The following C8orf34 variants were observed in gnomAD, a reference collection of about 807,000 sequenced individuals.
The protein encoded by C8orf34 is uncharacterized protein C8orf34.
Under a neutral mutation model 68.3 loss-of-function variants are expected in C8orf34, and 65 were observed. The observed-to-expected ratio is 0.95, with a 90% CI of 0.78 to 1.17. The LOEUF is 1.17. C8orf34 is among the 50% of genes most tolerant of loss of function. The pLI is 0.00. For synonymous variants in C8orf34, 244 were observed against 241.2 expected (o/e 1.01, Z -0.11); for missense variants, 664 against 655.4 (o/e 1.01, Z -0.14).
intron 10 of C8orf34, among the ~76,000 whole-genome samples, chr8:68,766,905 T>G (rs1823193864): frequency 6.6e-6 from 1 of 152,196 alleles, no homozygotes. Context: ...ATTTTGAGGC[T>G]GGGCACAGTG....
intron 8 of C8orf34, among the ~76,000 whole-genome samples, chr8:68,665,897 C>T (rs547275847): frequency 3.0e-4 from 46 of 152,230 alleles, no homozygotes; most frequent in Non-Finnish European, 5.7e-4. Flanking sequence ...GGGATCTTGT[C>T]TGTTTTGTTC....
At chr8:68,560,144 GT>G (rs56070682) in intron 7 of C8orf34, among the ~76,000 whole-genome samples, 2,161 of 143,926 alleles carry the variant, frequency 0.015, 49 homozygotes, top group African/African-American at 0.046. Flanking sequence ...TGATTCTGGT[GT>G]TTTTTTTTTT....
chr8:68,490,002 A>C (rs1813243104), intron 5 of C8orf34, among the ~76,000 whole-genome samples: 1 of 152,174 alleles, frequency 6.6e-6, no homozygotes, highest in Non-Finnish European at 1.5e-5. Flanking sequence ...CTCCATGTTG[A>C]CCATACTCAA....
At chr8:68,615,350 G>A (rs760906007) in intron 7 of C8orf34, among the ~76,000 whole-genome samples, 3 of 148,994 alleles carry the variant, frequency 2.0e-5, no homozygotes, top group African/African-American at 5.0e-5. Flanking sequence ...GTGAGAGAGG[G>A]CATCCCTGTC....
At chr8:68,412,821 C>A (rs139654464) in intron 1 of C8orf34, among the ~76,000 whole-genome samples, 89 of 152,232 alleles carry the variant, frequency 5.8e-4, no homozygotes, top group African/African-American at 2.1e-3. Flanking sequence ...ATATCCCAAC[C>A]CCAACGACTT....
intron 8 of C8orf34, among the ~76,000 whole-genome samples, chr8:68,675,647 A>G (rs1205439009): frequency 6.6e-6 from 1 of 152,184 alleles, no homozygotes; most frequent in Non-Finnish European, 1.5e-5. Flanking sequence ...ACTAAAAGGA[A>G]GACATATAGG....
chr8:68,539,743 A>G (rs1032279962), intron 7 of C8orf34, among the ~76,000 whole-genome samples: 2 of 151,894 alleles, frequency 1.3e-5, no homozygotes, highest in Non-Finnish European at 2.9e-5. Context: ...AATCCCAGCT[A>G]CTCGGGACAC....
At chr8:68,445,240 G>A (rs1335501006) in intron 2 of C8orf34, among the ~76,000 whole-genome samples, 1 of 152,158 alleles carries the variant, frequency 6.6e-6, no homozygotes, top group Non-Finnish European at 1.5e-5. Flanking sequence ...GTGTAATGGT[G>A]TATGTTAGTT....
chr8:68,350,312 T>C (rs1434058425), intron 1 of C8orf34, among the ~76,000 whole-genome samples: 1 of 151,870 alleles, frequency 6.6e-6, no homozygotes, highest in Non-Finnish European at 1.5e-5. Context: ...GGTATGATTT[T>C]GGTTATTTTG....
chr8:68,530,632 C>T, intron 6 of C8orf34: 1 of 1,225,436 alleles, frequency 8.2e-7, no homozygotes, highest in Non-Finnish European at 1.0e-6. Context: ...AGGACAGATG[C>T]CATGGCAAGA....
At chr8:68,751,460 G>A (rs756644453) in intron 10 of C8orf34, among the ~76,000 whole-genome samples, 1 of 152,120 alleles carries the variant, frequency 6.6e-6, no homozygotes, top group Non-Finnish European at 1.5e-5. Context: ...CCCTGTGCTT[G>A]AAAAGACTGC....
At chr8:68,802,381 TG>T (rs1824358021) in intron 12 of C8orf34, among the ~76,000 whole-genome samples, 1 of 152,184 alleles carries the variant, frequency 6.6e-6, no homozygotes, top group Non-Finnish European at 1.5e-5. Context: ...ATTACAGGCG[TG>T]AGCCACCATG....
At chr8:68,812,146 CT>C (rs751194929) in intron 12 of C8orf34, among the ~76,000 whole-genome samples, 23 of 152,232 alleles carry the variant, frequency 1.5e-4, no homozygotes, top group South Asian at 4.1e-4. Context: ...GAAACTTCAA[CT>C]TGATGTAGTT....
intron 4 of C8orf34, among the ~76,000 whole-genome samples, chr8:68,471,501 C>T (rs1812375824): frequency 6.6e-6 from 1 of 152,080 alleles, no homozygotes; most frequent in African/African-American, 2.4e-5. Context: ...AATGGCATTC[C>T]TACTTCCTCC....
chr8:68,539,214 A>C (rs1475170273), intron 7 of C8orf34, among the ~76,000 whole-genome samples: 3 of 152,204 alleles, frequency 2.0e-5, no homozygotes, highest in Non-Finnish European at 4.4e-5. Flanking sequence ...TGCTTTATAA[A>C]ATGGTGATGC....
intron 8 of C8orf34, among the ~76,000 whole-genome samples, chr8:68,667,385 C>T (rs769833465): frequency 3.3e-5 from 5 of 152,096 alleles, no homozygotes; most frequent in African/African-American, 4.8e-5. Context: ...GGAAGTGACA[C>T]GTTAAACCAA....
intron 10 of C8orf34, among the ~76,000 whole-genome samples, chr8:68,729,230 C>T (rs1039178094): frequency 6.6e-6 from 1 of 152,148 alleles, no homozygotes; most frequent in African/African-American, 2.4e-5. Flanking sequence ...CAATGCAGTA[C>T]ATAAGTCAGC....
chr8:68,744,997 A>T (rs2129527388), intron 10 of C8orf34, among the ~76,000 whole-genome samples: 1 of 152,294 alleles, frequency 6.6e-6, no homozygotes, highest in Non-Finnish European at 1.5e-5. Flanking sequence ...AGGTCGGGTT[A>T]CCCTGAAAGG....
At chr8:68,414,409 A>T (rs1234901170) in intron 1 of C8orf34, among the ~76,000 whole-genome samples, 2 of 152,228 alleles carry the variant, frequency 1.3e-5, no homozygotes, top group Non-Finnish European at 2.9e-5. Context: ...TGTACAGCAT[A>T]TTATCATACG....
Sources: allele counts gnomAD v4.1 joint callset (sites outside exome capture counted in the v4.1 genomes callset), GRCh38; gene constraint gnomAD v4.1.1; transcripts MANE v1.5; gene names NCBI Gene and HGNC (gene_info 2026-07-23, HGNC 2026-07-21).